Variants in RFX4 observed in about 807,000 individuals in gnomAD.
RFX4 encodes the protein regulatory factor X4.
In RFX4, 10 loss-of-function variants were observed where a neutral mutation model predicts 95.0. That is an observed-to-expected ratio of 0.11 (90% CI 0.06 to 0.18). The LOEUF (loss-of-function observed/expected upper bound fraction) is 0.18, where lower values mean the gene tolerates loss of function less well. Ranked by LOEUF, RFX4 falls within the 10% of genes least tolerant of loss-of-function variation. RFX4 has a pLI of 1.00. For missense variants in RFX4, 640 were observed against 922.0 expected, an observed-to-expected ratio of 0.69 and a Z score of 3.96; for synonymous variants, 321 against 340.7, an observed-to-expected ratio of 0.94 and a Z score of 0.64.
intron 3 of RFX4, among the ~76,000 whole-genome samples, chr12:106,648,812 G>T (rs1292921952): frequency 6.6e-6 from 1 of 152,026 alleles, no homozygotes; most frequent in Non-Finnish European, 1.5e-5. Context: ...ATACATATAA[G>T]AAATCACAGG....
chr12:106,642,311 TA>T (rs1246796857), intron 3 of RFX4, among the ~76,000 whole-genome samples: 3 of 151,396 alleles, frequency 2.0e-5, no homozygotes, highest in East Asian at 2.0e-4. Flanking sequence ...TGCCCGTATA[TA>T]TATGTCATTA....
intron 17 of RFX4, among the ~76,000 whole-genome samples, chr12:106,756,078 C>A (rs1020302806): frequency 6.6e-6 from 1 of 152,150 alleles, no homozygotes; most frequent in African/African-American, 2.4e-5. Context: ...AAAGGTAAAC[C>A]TCCCAGCCCT....
intron 1 of RFX4, among the ~76,000 whole-genome samples, chr12:106,590,791 T>A (rs1018272029): frequency 2.0e-5 from 3 of 151,918 alleles, no homozygotes; most frequent in African/African-American, 7.3e-5. Context: ...ACAAGAAATT[T>A]AAAAAATTAG....
chr12:106,745,385 G>A (rs2042872525), intron 15 of RFX4, among the ~76,000 whole-genome samples: 1 of 152,106 alleles, frequency 6.6e-6, no homozygotes, highest in African/African-American at 2.4e-5. Context: ...TTACAACAAA[G>A]GACATTATTT....
chr12:106,748,134 G>T lies in RFX4; in HGVS notation c.1796+535G>T, dbSNP rs1297067070. ...ATTTTAGATGAGGAAATTGAAACTTGTTTGGTTATCTTCCATTCCCCAAGG... is the reference window on the plus strand; with the variant it reads ...ATTTTAGATGAGGAAATTGAAACTTTTTTGGTTATCTTCCATTCCCCAAGG... On this transcript the variant is annotated intron_variant, in intron 16 of 17. Coordinates refer to ENST00000392842, the MANE Select transcript of RFX4 (RefSeq NM_213594.3). Among the ~76,000 whole-genome samples the T allele has an allele frequency of 2.0e-5, 3 of 152,144 alleles. No individual in the cohort carries two copies. The East Asian group carries it at 5.8e-4, about 29-fold the overall frequency.
chr12:106,671,134 C>A (rs2041272228), intron 4 of RFX4, among the ~76,000 whole-genome samples: 1 of 152,154 alleles, frequency 6.6e-6, no homozygotes, highest in African/African-American at 2.4e-5. Context: ...AAACTATGTT[C>A]AGCATACTTT....
intron 4 of RFX4, among the ~76,000 whole-genome samples, chr12:106,654,588 A>C (rs548219596): frequency 1.2e-4 from 18 of 152,204 alleles, no homozygotes; most frequent in Non-Finnish European, 2.6e-4. Flanking sequence ...CTTAATTTTC[A>C]TGAAGTCACT....
chr12:106,624,013 C>A (rs1466804757), intron 2 of RFX4, among the ~76,000 whole-genome samples: 1 of 152,172 alleles, frequency 6.6e-6, no homozygotes, highest in Non-Finnish European at 1.5e-5. Context: ...AATCACAAGG[C>A]AGCTGCTGCA....
Position 106,583,317 on chromosome 12 carries a change from G to A in RFX4, c.-4G>A, listed in dbSNP as rs1343292743. The stretch of plus-strand genomic sequence containing the variant: ...GGGGCGCCTGTGCTGTCCATGGGAA[G>A]AGCATGCATTGTGGGTTACTGGAGG... On this transcript the variant is annotated 5_prime_UTR_variant, in exon 1 of 18. Transcript: ENST00000392842. The A allele has an allele frequency of 1.9e-6, 3 of 1,588,360 alleles. No individual in the cohort carries two copies. The highest frequency in any genetic ancestry group is 1.4e-5 in the African/African-American group (1 of 72,872).
At chr12:106,754,303 T>C (rs1176412022) in intron 17 of RFX4, among the ~76,000 whole-genome samples, 1 of 152,222 alleles carries the variant, frequency 6.6e-6, no homozygotes, top group Non-Finnish European at 1.5e-5. Context: ...TGTGATCCAC[T>C]GCATGACTGA....
intron 13 of RFX4, among the ~76,000 whole-genome samples, chr12:106,724,110 C>T (rs1412096953): frequency 6.6e-6 from 1 of 152,130 alleles, no homozygotes; most frequent in South Asian, 2.1e-4. Context: ...CTCAATATGA[C>T]AGACCAGGAA....
intron 8 of RFX4, 147 bp downstream of exon 8, chr12:106,696,593 T>C (rs1484353482): frequency 1.3e-6 from 1 of 784,504 alleles, no homozygotes; most frequent in East Asian, 2.8e-5. Context: ...TAAAGTTTAT[T>C]TATATTTTGG....
chr12:106,758,845 CTG>C (rs767539579), intron 17 of RFX4, among the ~76,000 whole-genome samples: 1 of 152,224 alleles, frequency 6.6e-6, no homozygotes, highest in Non-Finnish European at 1.5e-5. Context: ...CACTAGCTTG[CTG>C]TGTGACTTTG....
chr12:106,741,812 G>A (rs2042809102), intron 15 of RFX4, among the ~76,000 whole-genome samples: 1 of 152,082 alleles, frequency 6.6e-6, no homozygotes, highest in Non-Finnish European at 1.5e-5. Context: ...GAGGTGGGGG[G>A]GATGGTTTCA....
chr12:106,730,821 C>T (rs1180353982), intron 13 of RFX4, among the ~76,000 whole-genome samples: 8 of 151,956 alleles, frequency 5.3e-5, no homozygotes, highest in Non-Finnish European at 7.4e-5. Flanking sequence ...GCCAACATGG[C>T]GAAACCCATC....
chr12:106,643,791 A>G (rs529297546), intron 3 of RFX4, among the ~76,000 whole-genome samples: 4 of 152,346 alleles, frequency 2.6e-5, no homozygotes, highest in African/African-American at 9.6e-5. Context: ...TTGTTTACAC[A>G]AGAAATACAT....
chr12:106,608,393 G>C (rs1349153019), intron 1 of RFX4, among the ~76,000 whole-genome samples: 2 of 152,198 alleles, frequency 1.3e-5, no homozygotes, highest in African/African-American at 2.4e-5. Context: ...AAGTTCTGCT[G>C]CTAATTCACA....
At chr12:106,727,168 CA>C (rs748565248) in intron 13 of RFX4, among the ~76,000 whole-genome samples, 2 of 151,828 alleles carry the variant, frequency 1.3e-5, no homozygotes, top group Non-Finnish European at 2.9e-5. Flanking sequence ...TAGACTATGC[CA>C]AAAATCCTAG....
At position 106,647,490 on chromosome 12, in the gene RFX4, C is replaced by G. The variant is rs936218246; in HGVS notation, c.192-6738C>G. Among the ~76,000 whole-genome samples the G allele has an allele frequency of 3.3e-5, 5 of 152,076 alleles. No homozygotes were observed. In the South Asian group the frequency reaches 1.0e-3, roughly 32 times the overall value. ...ATATATTAATATTAACCATGCTTTT[C>G]CTTTAACTACCCAGATATTAAGATT... On this transcript the variant is annotated intron_variant, in intron 3 of 17. Coordinates refer to ENST00000392842, the MANE Select transcript of RFX4 (RefSeq NM_213594.3).
Sources: gnomAD v4.1 joint callset for allele counts (sites outside exome capture counted in the v4.1 genomes callset) on GRCh38, gnomAD v4.1.1 for gene constraint, MANE v1.5 for transcripts, NCBI Gene and HGNC (gene_info 2026-07-23, HGNC 2026-07-21) for gene names.